Variants in WDR93 observed in about 807,000 individuals in gnomAD.
The protein encoded by WDR93 is WD repeat-containing protein 93.
Under a neutral mutation model 82.9 loss-of-function variants are expected in WDR93, and 73 were observed. The observed-to-expected ratio is 0.88, with a 90% CI of 0.73 to 1.07. WDR93 has a LOEUF of 1.07. Ranked by LOEUF, WDR93 falls within the 50% of genes least tolerant of loss-of-function variation. The pLI is 0.00. For missense variants in WDR93, 738 were observed against 826.0 expected (o/e 0.89, Z 1.31); for synonymous variants, 283 against 300.1 (o/e 0.94, Z 0.59).
At chr15:89,742,722 G>C (rs906643678) in intron 16 of WDR93, among the ~76,000 whole-genome samples, 2 of 151,950 alleles carry the variant, frequency 1.3e-5, no homozygotes, top group African/African-American at 4.8e-5. Flanking sequence ...TAGTAGAGAC[G>C]GGGTTTCTCC....
chr15:89,733,135 G>A lies in WDR93; in HGVS notation c.1460G>A (p.Cys487Tyr), dbSNP rs1966892464. The change falls in exon 13 of 17, where the codon TGT becomes TAT. Residue 487 changes from cysteine (C) to tyrosine (Y), a missense_variant. Coordinates refer to ENST00000268130, the MANE Select transcript of WDR93 (RefSeq NM_020212.2). ...GGTCAAGTGAAATCCCAAATGAAAT[G>A]TGTGGTGCTGTGCACAGACGCCTCC... Reference protein sequence around the residue: ...PEGQVKSQMKCVVLCTDASLH... With the variant: ...PEGQVKSQMKYVVLCTDASLH... The A allele has an allele frequency of 6.2e-7, 1 of 1,614,178 alleles. No homozygotes were observed. Among genetic ancestry groups the A allele is most frequent in the African/African-American group, 1.3e-5 (1 of 75,052 alleles).
In WDR93 at chr15:89,727,209, C is replaced by T. The variant is rs138831233; in HGVS notation, c.933C>T (p.Tyr311=). 141 of 1,614,156 alleles carry T rather than the reference C, an allele frequency of 8.7e-5. No individual in the cohort carries two copies. In the African/African-American group the frequency reaches 1.5e-3, roughly 17 times the overall value. ...TCTTTGCAAAGATCAAGGACTGCTA[C>T]GGACTGGGCTCCGGGCAGAATCATT... ...LEVFAKIKDC[Y]GLGSGQNHFI... The change falls in exon 9 of 17, where the codon TAC becomes TAT. Residue 311 remains tyrosine, a synonymous_variant. Coordinates refer to ENST00000268130, the MANE Select transcript of WDR93 (RefSeq NM_020212.2).
chr15:89,725,012 G>A (rs1357309392), intron 8 of WDR93, among the ~76,000 whole-genome samples: 2 of 152,152 alleles, frequency 1.3e-5, no homozygotes, highest in Non-Finnish European at 2.9e-5. Flanking sequence ...GGTTTCCTGG[G>A]ATGTGAGATT....
intron 4 of WDR93, among the ~76,000 whole-genome samples, chr15:89,708,350 C>T (rs531902241): frequency 6.6e-6 from 1 of 152,174 alleles, no homozygotes; most frequent in Admixed American, 6.5e-5. Context: ...GAGCAGAGAG[C>T]GGACCCCAGA....
intron 8 of WDR93, among the ~76,000 whole-genome samples, chr15:89,723,419 T>A (rs1285545257): frequency 6.6e-6 from 1 of 151,982 alleles, no homozygotes; most frequent in Non-Finnish European, 1.5e-5. Flanking sequence ...TCCAGCCTGG[T>A]GACAGAACAA....
In WDR93 at chr15:89,701,884, A is replaced by C; in HGVS notation, c.138A>C (p.Pro46=). ...DDEQDHVLVD[P]DEELDSLPQP... ...AACAGGATCATGTCCTCGTGGATCCAGATGAGGAGCTGGATTCCTTGCCTC... is the reference window on the plus strand; with the variant it reads ...AACAGGATCATGTCCTCGTGGATCCCGATGAGGAGCTGGATTCCTTGCCTC... The change falls in exon 2 of 17, where the codon CCA becomes CCC. Residue 46 remains proline (P), a synonymous_variant. Transcript: ENST00000268130. 6.2e-7 allele frequency: 1 copy of C among 1,614,252 alleles called. No homozygotes were observed. The highest frequency in any genetic ancestry group is 8.5e-7 in the Non-Finnish European group (1 of 1,180,048).
At chr15:89,695,266 G>A (rs181088622) in intron 1 of WDR93, among the ~76,000 whole-genome samples, 8 of 152,216 alleles carry the variant, frequency 5.3e-5, no homozygotes, top group Non-Finnish European at 1.2e-4. Context: ...CATAAATAAG[G>A]TATCACACTC....
chr15:89,697,605 A>G (rs1251363716), intron 1 of WDR93, among the ~76,000 whole-genome samples: 1 of 152,202 alleles, frequency 6.6e-6, no homozygotes, highest in Non-Finnish European at 1.5e-5. Context: ...ATAATTTGCA[A>G]TCTGCTGTTT....
At chr15:89,714,978 A>G, upstream of WDR93, 2 of 1,612,356 alleles carry the variant, frequency 1.2e-6, no homozygotes, top group Non-Finnish European at 1.7e-6. Flanking sequence ...TTCCCAATGC[A>G]GGAGCCGGAG....
intron 13 of WDR93, 23 bp downstream of exon 13, chr15:89,733,242 G>A (rs762205268): frequency 6.2e-5 from 99 of 1,601,542 alleles, no homozygotes; most frequent in South Asian, 1.3e-4. Flanking sequence ...AGGGTGGGAC[G>A]GGGTAAATAA....
intron 1 of WDR93, among the ~76,000 whole-genome samples, chr15:89,697,756 G>A (rs981933217): frequency 2.0e-5 from 3 of 151,994 alleles, no homozygotes; most frequent in Non-Finnish European, 2.9e-5. Flanking sequence ...GACTATAATT[G>A]TGGATCTTCC....
intron 16 of WDR93, among the ~76,000 whole-genome samples, chr15:89,742,003 G>C (rs1474691326): frequency 6.6e-6 from 1 of 152,094 alleles, no homozygotes; most frequent in Non-Finnish European, 1.5e-5. Context: ...CACCCGCCTT[G>C]GCCTCCCAAA....
In WDR93 at chr15:89,714,966, G is replaced by A. The variant is rs764910678; in HGVS notation, c.641-14G>A. The A allele has an allele frequency of 6.2e-7, 1 of 1,609,050 alleles. No individual in the cohort carries two copies. The highest frequency in any genetic ancestry group is 1.7e-5 in the Admixed American group (1 of 59,654). Reference sequence around the variant, plus strand: ...CTTACAGTTGCTCAATGGTTCTCTGGTTTCCCAATGCAGGAGCCGGAGATA... The same window carrying A: ...CTTACAGTTGCTCAATGGTTCTCTGATTTCCCAATGCAGGAGCCGGAGATA... On this transcript the variant is annotated splice_polypyrimidine_tract_variant and intron_variant, in intron 5 of 16. Transcript: ENST00000268130.
At chr15:89,743,174 C>T in intron 16 of WDR93, 118 bp from the exon 17 acceptor site, 1 of 946,872 alleles carries the variant, frequency 1.1e-6, no homozygotes, top group Non-Finnish European at 1.7e-6. Flanking sequence ...AGAGGCGATG[C>T]AGGTGTGTCC....
At chr15:89,700,344 T>A (rs77695951) in intron 1 of WDR93, among the ~76,000 whole-genome samples, 61 of 152,066 alleles carry the variant, frequency 4.0e-4, no homozygotes, top group Non-Finnish European at 7.2e-4. Context: ...TACTCACACA[T>A]TGAAAGCATC....
chr15:89,711,938 G>T, intron 4 of WDR93, 88 bp from the exon 5 acceptor site: 1 of 957,602 alleles, frequency 1.0e-6, no homozygotes, highest in South Asian at 1.9e-5. Flanking sequence ...AAGGATCTCT[G>T]TTCCTGGGTG....
Position 89,729,677 on chromosome 15 carries a change from C to G in WDR93, c.1124-6C>G, listed in dbSNP as rs371063115. The G allele has an allele frequency of 1.9e-5, 30 of 1,611,956 alleles. No homozygotes were observed. Among genetic ancestry groups the G allele is most frequent in the South Asian group, 6.6e-5 (6 of 90,988 alleles). On this transcript the variant is annotated splice_polypyrimidine_tract_variant and splice_region_variant and intron_variant, in intron 10 of 16. Coordinates refer to ENST00000268130, the MANE Select transcript of WDR93 (RefSeq NM_020212.2). Reference sequence around the variant, plus strand: ...ATTTTCTGTCTTTCCCCCGCCCCCCCACCAGGAATGGCCTGTGTCCTTGGT... The same window carrying G: ...ATTTTCTGTCTTTCCCCCGCCCCCCGACCAGGAATGGCCTGTGTCCTTGGT...
At chr15:89,716,223 T>G (rs1966246055) in intron 6 of WDR93, among the ~76,000 whole-genome samples, 1 of 152,192 alleles carries the variant, frequency 6.6e-6, no homozygotes. Flanking sequence ...TTACAGAATG[T>G]TATTATTTGT....
intron 16 of WDR93, among the ~76,000 whole-genome samples, chr15:89,738,787 A>T (rs1464633125): frequency 6.6e-6 from 1 of 151,968 alleles, no homozygotes. Flanking sequence ...CTTCCTGTCA[A>T]GATCATCTTT....
Sources: gnomAD v4.1 joint callset for allele counts (sites outside exome capture counted in the v4.1 genomes callset) on GRCh38, gnomAD v4.1.1 for gene constraint, MANE v1.5 for transcripts, NCBI Gene and HGNC (gene_info 2026-07-23, HGNC 2026-07-21) for gene names.